KIF27: variants seen among roughly 807,000 people sequenced by gnomAD.
KIF27 encodes the protein kinesin family member 27.
A neutral mutation model predicts 141.8 loss-of-function variants in KIF27; 84 were observed. That is an observed-to-expected ratio of 0.59 (90% CI 0.50 to 0.71). The LOEUF (loss-of-function observed/expected upper bound fraction) is 0.71, where lower values mean the gene tolerates loss of function less well. KIF27 is among the 30% of genes least tolerant of loss of function. KIF27 has a pLI of 0.00. For missense variants in KIF27, 1,306 were observed against 1,628.4 expected (o/e 0.80, Z 3.41); for synonymous variants, 471 against 569.5 (o/e 0.83, Z 2.46).
chr9:83,850,158 A>G lies in KIF27; in HGVS notation c.3497T>C (p.Leu1166Pro). Reference sequence around the variant, plus strand: ...TTCGTGTTCCTTTTGCTGGAGGGTCAGTCTCCGGTCACACTGCAATTTTAG... The same window carrying G: ...TTCGTGTTCCTTTTGCTGGAGGGTCGGTCTCCGGTCACACTGCAATTTTAG... ...DHLKLQCDRR[L>P]TLQQKEHEQK... The change falls in exon 16 of 18, where the codon CTG becomes CCG. Residue 1166 changes from leucine to proline, a missense_variant. Leu to Pro is a moderately conservative substitution (Grantham distance 98). Around this residue, in one of 4 missense-constraint regions of KIF27, gnomAD observed 596 missense variants for 751.6 expected, o/e 0.79. Coordinates refer to ENST00000297814, the MANE Select transcript of KIF27 (RefSeq NM_017576.4). The G allele has an allele frequency of 6.2e-7, 1 of 1,613,966 alleles. No homozygotes were observed. The highest frequency in any genetic ancestry group is 8.5e-7 in the Non-Finnish European group (1 of 1,179,850).
intron 5 of KIF27, among the ~76,000 whole-genome samples, chr9:83,892,554 G>A (rs1952785978): frequency 6.6e-6 from 1 of 151,956 alleles, no homozygotes; most frequent in Non-Finnish European, 1.5e-5. Flanking sequence ...AAGGCACAAT[G>A]GTGGATTTTT....
At chr9:83,861,303 A>G (rs552747796) in intron 13 of KIF27, among the ~76,000 whole-genome samples, 6 of 152,108 alleles carry the variant, frequency 3.9e-5, no homozygotes, top group South Asian at 2.1e-4. Flanking sequence ...TACATTAGGT[A>G]TATCTCCTAA....
At chr9:83,867,480 C>G (rs1007913767) in intron 13 of KIF27, among the ~76,000 whole-genome samples, 12 of 122,312 alleles carry the variant, frequency 9.8e-5, no homozygotes, top group African/African-American at 3.7e-4. Flanking sequence ...ACATAGTATC[C>G]GTAAGTTTAG....
intron 14 of KIF27, among the ~76,000 whole-genome samples, chr9:83,855,881 T>A (rs1293889008): frequency 6.6e-6 from 1 of 152,182 alleles, no homozygotes; most frequent in African/African-American, 2.4e-5. Flanking sequence ...TGGTTTTGGA[T>A]CTAAGTTAAG....
chr9:83,874,804 T>G (rs1341196920), intron 11 of KIF27, among the ~76,000 whole-genome samples: 2 of 149,990 alleles, frequency 1.3e-5, no homozygotes, highest in Non-Finnish European at 2.9e-5. Context: ...TACGCTGGCA[T>G]GTGCCTGCAG....
At chr9:83,907,350 T>C (rs1954669428) in intron 3 of KIF27, among the ~76,000 whole-genome samples, 1 of 149,836 alleles carries the variant, frequency 6.7e-6, no homozygotes, top group Non-Finnish European at 1.5e-5. Flanking sequence ...AATATGTACA[T>C]AGAAAAATAA....
chr9:83,837,408 G>A lies in KIF27; in HGVS notation c.3799C>T (p.Pro1267Ser). The A allele has an allele frequency of 6.2e-7, 1 of 1,612,374 alleles. No homozygotes were observed. The highest frequency in any genetic ancestry group is 8.5e-7 in the Non-Finnish European group (1 of 1,178,858). The change falls in exon 18 of 18, where the codon CCT becomes TCT. Residue 1267 changes from proline to serine, a missense_variant. Coordinates refer to ENST00000297814, the MANE Select transcript of KIF27 (RefSeq NM_017576.4). The stretch of plus-strand genomic sequence containing the variant: ...CTTCCACTTAATTTCATACTTTCAG[G>A]TCTGGATGCCCATTTTAATTCTTCT... ...LSEELKWASRPESMKLSGRER... is the reference protein window; with the variant it reads ...LSEELKWASRSESMKLSGRER...
intron 13 of KIF27, among the ~76,000 whole-genome samples, chr9:83,867,129 C>A (rs1950428121): frequency 6.6e-6 from 1 of 152,040 alleles, no homozygotes; most frequent in Non-Finnish European, 1.5e-5. Flanking sequence ...TGACTGGTTT[C>A]TTTCACTTAA....
intron 5 of KIF27, 48 bp downstream of exon 5, chr9:83,899,613 G>C (rs1953645573): frequency 7.0e-7 from 1 of 1,428,842 alleles, no homozygotes. Flanking sequence ...TGTTTAGTTA[G>C]GTACTATTTC....
intron 17 of KIF27, among the ~76,000 whole-genome samples, chr9:83,839,661 C>G (rs112719173): frequency 0.018 from 2,801 of 152,258 alleles, 99 homozygotes; most frequent in African/African-American, 0.065. Flanking sequence ...TCTATCAAAA[C>G]CCACTGAACC....
intron 3 of KIF27, among the ~76,000 whole-genome samples, chr9:83,905,121 CTT>C (rs1317728755): frequency 2.1e-5 from 3 of 145,336 alleles, no homozygotes; most frequent in Non-Finnish European, 1.5e-5. Flanking sequence ...AAAAATATTT[CTT>C]TTTTTTTTTT....
rs1391582977 is a variant in KIF27, at chr9:83,850,135, C to T, written c.3520G>A (p.Glu1174Lys). The change falls in exon 16 of 18, where the codon GAA (glutamate) becomes AAA (lysine). Residue 1174 changes from glutamate to lysine, a missense_variant. Transcript: ENST00000297814. ...RRLTLQQKEH[E>K]QKMQLLLHHF... ...TGTAATAGCAACTGCATCTTTTGTT[C>T]GTGTTCCTTTTGCTGGAGGGTCAGT... 6.8e-6 allele frequency: 11 copies of T among 1,613,944 alleles called. No individual in the cohort carries two copies. The highest frequency in any genetic ancestry group is 2.2e-5 in the East Asian group (1 of 44,884).
At position 83,837,200 on chromosome 9, in the gene KIF27, C is replaced by T. The variant is rs369880739; in HGVS notation, c.4007G>A (p.Arg1336Gln). ...CACAACCTGAATTTGGGATGACAGT[C>T]GACTGTGAGATTTTGTAAACTGATT... is the stretch of plus-strand genomic sequence containing the variant. ...DDNQFTKSHSRLSSQIQVVGN... is the reference protein window; with the variant it reads ...DDNQFTKSHSQLSSQIQVVGN... Residue 1336 changes from arginine to glutamine, a missense_variant, in exon 18 of 18, where the codon CGA (arginine) becomes CAA (glutamine). Around this residue, in one of 4 missense-constraint regions of KIF27, gnomAD observed 148 missense variants for 250.9 expected, o/e 0.59. Coordinates refer to ENST00000297814, the MANE Select transcript of KIF27 (RefSeq NM_017576.4). 3.7e-6 allele frequency: 6 copies of T among 1,614,142 alleles called. No homozygotes were observed. The highest frequency in any genetic ancestry group is 1.7e-5 in the Admixed American group (1 of 60,022).
chr9:83,847,512 G>A (rs951954767), intron 16 of KIF27: 4 of 152,160 alleles, frequency 2.6e-5, no homozygotes, highest in African/African-American at 9.7e-5. Flanking sequence ...TGAAGATTAT[G>A]TATGATCTCA....
In KIF27 at chr9:83,899,715, T is replaced by C. The variant is rs1485982329; in HGVS notation, c.1548A>G (p.Glu516=). The change falls in exon 5 of 18, where the codon GAA becomes GAG. Residue 516 remains glutamate (E), a synonymous_variant. Transcript: ENST00000297814. The part of the protein sequence containing the change: ...LKNQVQMMVQ[E]NKGHAVSLKE... ...TCAAAGATACAGCATGCCCTTTGTT[T>C]TCCTGTACCATCATCTGCACTTGAT... 1 of 1,613,544 alleles carries C rather than the reference T, an allele frequency of 6.2e-7. No individual in the cohort carries two copies. The highest frequency in any genetic ancestry group is 1.3e-5 in the African/African-American group (1 of 74,924).
intron 3 of KIF27, 98 bp from the exon 4 acceptor site, chr9:83,904,116 C>G: frequency 1.2e-6 from 1 of 814,950 alleles, no homozygotes; most frequent in Non-Finnish European, 1.9e-6. Flanking sequence ...AAGATAGTCC[C>G]TTTTTTAAAA....
rs756655778 is a variant in KIF27 at position 83,903,324 on chromosome 9, C to T, written c.1194G>A (p.Glu398=). Reference sequence around the variant, plus strand: ...CTCCTTGAAGCTGAGCTACTTGCTCCTCAAGAGAATGAATCCTATTTGTAT... The same window carrying T: ...CTCCTTGAAGCTGAGCTACTTGCTCTTCAAGAGAATGAATCCTATTTGTAT... The part of the protein sequence containing the change: ...SPDTNRIHSL[E]EQVAQLQGEC... Residue 398 remains glutamate (E), a synonymous_variant, in exon 4 of 18, where the codon GAG becomes GAA. Transcript: ENST00000297814. The T allele has an allele frequency of 3.8e-5, 62 of 1,614,080 alleles. No homozygotes were observed. Among genetic ancestry groups the T allele is most frequent in the Non-Finnish European group, 5.2e-5 (61 of 1,180,028 alleles).
chr9:83,905,023 C>T (rs1285526269), intron 3 of KIF27, among the ~76,000 whole-genome samples: 1 of 150,742 alleles, frequency 6.6e-6, no homozygotes, highest in African/African-American at 2.4e-5. Context: ...ATGTACCATA[C>T]TCAAAAAAGA....
At chr9:83,886,851 GA>G (rs1952153811) in intron 9 of KIF27, among the ~76,000 whole-genome samples, 189 bp downstream of exon 9, 1 of 152,122 alleles carries the variant, frequency 6.6e-6, no homozygotes, top group African/African-American at 2.4e-5. Flanking sequence ...ATTCAGAGGT[GA>G]AATCCCAAAA....
Sources: allele counts gnomAD v4.1 joint callset (sites outside exome capture counted in the v4.1 genomes callset), GRCh38; gene constraint gnomAD v4.1.1; regional missense constraint gnomAD v4.1.1; transcripts MANE v1.5; gene names NCBI Gene and HGNC (gene_info 2026-07-23, HGNC 2026-07-21).